Variants in ATP6V0E1 observed in about 807,000 individuals in gnomAD.
ATP6V0E1 encodes the protein ATPase H+ transporting V0 subunit e1.
Under a neutral mutation model 11.6 loss-of-function variants are expected in ATP6V0E1, and 4 were observed. The observed-to-expected ratio is 0.35, with a 90% confidence interval of 0.17 to 0.79. The LOEUF (loss-of-function observed/expected upper bound fraction) is 0.79. Ranked by LOEUF, ATP6V0E1 falls within the 30% of genes least tolerant of loss-of-function variation. The probability of loss-of-function intolerance (pLI) is 0.54; values close to 1 mark genes in which losing one functional copy is unlikely to be tolerated. For synonymous variants in ATP6V0E1, 36 were observed against 34.8 expected (o/e 1.04, Z -0.13); for missense variants, 105 against 100.0 (o/e 1.05, Z -0.21).
rs1197992139 is a variant in ATP6V0E1 at position 173,008,753 on chromosome 5, CA to C, written c.153-11477del. On this transcript the variant is annotated intron_variant, in intron 2 of 3. Coordinates refer to ENST00000519374, the MANE Select transcript of ATP6V0E1 (RefSeq NM_003945.4). ...TGAAACCCCATCTCTACTAAAAATA[CA>C]AAAAAAATTAGCTGGGCGTGGTGGC... is the stretch of plus-strand genomic sequence containing the variant. Among the ~76,000 whole-genome samples the C allele has an allele frequency of 1.2e-4, 18 of 147,852 alleles. No individual in the cohort carries two copies. In the East Asian group the frequency reaches 3.1e-3, roughly 25 times the overall value.
At chr5:173,022,592 G>T (rs545220510) in intron 3 of ATP6V0E1, among the ~76,000 whole-genome samples, 2 of 152,086 alleles carry the variant, frequency 1.3e-5, no homozygotes, top group African/African-American at 2.4e-5. Context: ...CAATCCTCCT[G>T]CCCCAGCCTC....
At chr5:173,016,542 G>T (rs1756401827) in intron 2 of ATP6V0E1, among the ~76,000 whole-genome samples, 1 of 152,192 alleles carries the variant, frequency 6.6e-6, no homozygotes, top group African/African-American at 2.4e-5. Flanking sequence ...TTCATTCTGT[G>T]CTATATTCTT....
intron 2 of ATP6V0E1, among the ~76,000 whole-genome samples, chr5:173,018,637 C>T (rs1002868482): frequency 9.9e-5 from 15 of 152,184 alleles, no homozygotes; most frequent in Non-Finnish European, 2.1e-4. Flanking sequence ...TCTATTCCTT[C>T]TCCTTGCTTG....
chr5:173,006,009 C>T (rs893973896), intron 2 of ATP6V0E1, among the ~76,000 whole-genome samples: 23 of 152,062 alleles, frequency 1.5e-4, no homozygotes, highest in African/African-American at 5.1e-4. Context: ...TTATTTTATG[C>T]GTGTGGACTA....
chr5:173,022,349 G>T (rs1428613456), intron 3 of ATP6V0E1, among the ~76,000 whole-genome samples: 2 of 152,184 alleles, frequency 1.3e-5, no homozygotes, highest in Non-Finnish European at 2.9e-5. Flanking sequence ...TTCAGGTAAT[G>T]ACAGCCTGGT....
intron 3 of ATP6V0E1, among the ~76,000 whole-genome samples, chr5:173,032,341 C>T (rs952043255): frequency 2.0e-5 from 3 of 150,152 alleles, no homozygotes; most frequent in African/African-American, 7.4e-5. Context: ...AGGCTGGAGT[C>T]CAATGGTGTG....
chr5:173,010,280 A>G (rs1251564081), intron 2 of ATP6V0E1, among the ~76,000 whole-genome samples: 2 of 152,306 alleles, frequency 1.3e-5, no homozygotes, highest in East Asian at 3.9e-4. Flanking sequence ...TTTGTGAAGT[A>G]AATAGGTTGT....
intron 3 of ATP6V0E1, among the ~76,000 whole-genome samples, chr5:173,031,806 G>A (rs1201730060): frequency 2.1e-5 from 3 of 142,150 alleles, no homozygotes; most frequent in Non-Finnish European, 3.0e-5. Flanking sequence ...CTGGGCGAGA[G>A]AGCGAGACTC....
At chr5:173,021,830 C>T (rs1239155041) in intron 3 of ATP6V0E1, among the ~76,000 whole-genome samples, 7 of 152,136 alleles carry the variant, frequency 4.6e-5, no homozygotes, top group East Asian at 1.9e-4. Flanking sequence ...AGGTGGATCA[C>T]GAGGTCACGA....
At chr5:173,027,888 G>A (rs1393802063) in intron 3 of ATP6V0E1, among the ~76,000 whole-genome samples, 2 of 152,146 alleles carry the variant, frequency 1.3e-5, no homozygotes, top group Non-Finnish European at 2.9e-5. Context: ...GTTGGTTCTA[G>A]TTCCAGCATT....
chr5:172,992,294 G>T (rs1215122756), intron 1 of ATP6V0E1, among the ~76,000 whole-genome samples: 1 of 152,124 alleles, frequency 6.6e-6, no homozygotes, highest in African/African-American at 2.4e-5. Flanking sequence ...CTCGTGATCT[G>T]CCCGCCTCGG....
At chr5:173,008,848 T>G (rs1041446788) in intron 2 of ATP6V0E1, among the ~76,000 whole-genome samples, 3 of 145,258 alleles carry the variant, frequency 2.1e-5, no homozygotes, top group South Asian at 2.2e-4. Context: ...GAGGCAGAGC[T>G]TGCAGTGAGC....
chr5:173,002,886 G>A (rs1284797562), intron 2 of ATP6V0E1, among the ~76,000 whole-genome samples: 1 of 151,946 alleles, frequency 6.6e-6, no homozygotes, highest in African/African-American at 2.4e-5. Context: ...GGCACTGAGG[G>A]GTAAAGAGCT....
intron 2 of ATP6V0E1, among the ~76,000 whole-genome samples, chr5:172,995,590 C>T (rs1263227044): frequency 6.6e-6 from 1 of 152,018 alleles, no homozygotes; most frequent in East Asian, 1.9e-4. Context: ...ATGTATTGAT[C>T]ACATACCATA....
At chr5:172,997,857 C>T (rs1756091355) in intron 2 of ATP6V0E1, among the ~76,000 whole-genome samples, 1 of 152,080 alleles carries the variant, frequency 6.6e-6, no homozygotes, top group African/African-American at 2.4e-5. Flanking sequence ...TGGCTCACGC[C>T]TGTAATCCCA....
intron 2 of ATP6V0E1, among the ~76,000 whole-genome samples, chr5:173,018,559 T>G (rs577120788): frequency 1.3e-5 from 2 of 152,302 alleles, no homozygotes; most frequent in East Asian, 3.9e-4. Flanking sequence ...TGTATTCTGC[T>G]TCATTCCCCT....
intron 1 of ATP6V0E1, among the ~76,000 whole-genome samples, chr5:172,992,590 T>G (rs1471127779): frequency 6.6e-6 from 1 of 152,092 alleles, no homozygotes; most frequent in Non-Finnish European, 1.5e-5. Flanking sequence ...TCAGCAAGGC[T>G]TTTCCTGACC....
chr5:172,985,003 T>G (rs1227543694), intron 1 of ATP6V0E1, among the ~76,000 whole-genome samples: 3 of 152,188 alleles, frequency 2.0e-5, no homozygotes, highest in Non-Finnish European at 4.4e-5. Context: ...TCCCAGCACT[T>G]TGGGAGGCCA....
At chr5:172,995,581 T>C (rs1008938050) in intron 2 of ATP6V0E1, among the ~76,000 whole-genome samples, 1 of 152,196 alleles carries the variant, frequency 6.6e-6, no homozygotes, top group Non-Finnish European at 1.5e-5. Context: ...TCAAAATATA[T>C]GTATTGATCA....
Sources: gnomAD v4.1 joint callset for allele counts (sites outside exome capture counted in the v4.1 genomes callset) on GRCh38, gnomAD v4.1.1 for gene constraint, MANE v1.5 for transcripts, NCBI Gene and HGNC (gene_info 2026-07-23, HGNC 2026-07-21) for gene names.